KCND3: variants seen among roughly 807,000 people sequenced by gnomAD.
The protein encoded by KCND3 is A-type voltage-gated potassium channel KCND3.
KCND3 carries 9 observed loss-of-function variants against 51.1 expected under a neutral mutation model. The observed-to-expected ratio is 0.18, with a 90% CI of 0.11 to 0.31. The LOEUF (loss-of-function observed/expected upper bound fraction) is 0.31, where lower values mean the gene tolerates loss of function less well. Among genes scored for constraint, KCND3 ranks in the 10% least tolerant of loss-of-function variants. The probability of loss-of-function intolerance (pLI) is 1.00; values close to 1 mark genes in which losing one functional copy is unlikely to be tolerated. For synonymous variants in KCND3, 349 were observed against 368.0 expected (o/e 0.95, Z 0.59); for missense variants, 526 against 903.8 (o/e 0.58, Z 5.36).
At chr1:111,930,074 C>T (rs774511624) in intron 2 of KCND3, among the ~76,000 whole-genome samples, 17 of 152,036 alleles carry the variant, frequency 1.1e-4, no homozygotes, top group Non-Finnish European at 1.2e-4. Flanking sequence ...GGAGAAGAAG[C>T]TAATTAGGTA....
At chr1:111,839,697 T>A (rs2101638025) in intron 2 of KCND3, among the ~76,000 whole-genome samples, 1 of 152,364 alleles carries the variant, frequency 6.6e-6, no homozygotes, top group Non-Finnish European at 1.5e-5. Context: ...ATCTCATTTA[T>A]TTTTTACAAT....
intron 2 of KCND3, among the ~76,000 whole-genome samples, chr1:111,876,080 T>C (rs1483573031): frequency 6.6e-6 from 1 of 152,178 alleles, no homozygotes; most frequent in African/African-American, 2.4e-5. Context: ...GCAGGGAAAC[T>C]AGCCCCCAAA....
intron 2 of KCND3, among the ~76,000 whole-genome samples, chr1:111,823,106 T>C (rs1470052929): frequency 2.6e-5 from 4 of 152,152 alleles, no homozygotes; most frequent in African/African-American, 9.7e-5. Context: ...CTTGGCTGTC[T>C]ACTTCTTCCC....
intron 2 of KCND3, among the ~76,000 whole-genome samples, chr1:111,940,326 C>G (rs750161447): frequency 1.3e-5 from 2 of 151,694 alleles, no homozygotes; most frequent in African/African-American, 4.8e-5. Context: ...AATGGTATTG[C>G]CTAGGTTTTC....
At chr1:111,824,128 A>G (rs1303459306) in intron 2 of KCND3, among the ~76,000 whole-genome samples, 1 of 152,094 alleles carries the variant, frequency 6.6e-6, no homozygotes, top group Non-Finnish European at 1.5e-5. Context: ...CCAAAAAAAA[A>G]AAAAAAAAGC....
chr1:111,937,956 C>T (rs1672302652), intron 2 of KCND3, among the ~76,000 whole-genome samples: 1 of 152,188 alleles, frequency 6.6e-6, no homozygotes, highest in African/African-American at 2.4e-5. Context: ...CTTCAGTGAC[C>T]CCTTGTTGCC....
intron 2 of KCND3, among the ~76,000 whole-genome samples, chr1:111,874,335 A>T (rs1259199946): frequency 1.3e-5 from 2 of 152,152 alleles, no homozygotes; most frequent in East Asian, 1.9e-4. Flanking sequence ...GAGAACATAC[A>T]CATTCAAATA....
intron 2 of KCND3, among the ~76,000 whole-genome samples, chr1:111,972,111 C>A (rs1394424933): frequency 1.3e-5 from 2 of 151,888 alleles, no homozygotes; most frequent in Admixed American, 1.3e-4. Flanking sequence ...AGGCTCTCTG[C>A]ATCTCTGTCA....
chr1:111,976,569 T>A (rs970140786), intron 2 of KCND3, among the ~76,000 whole-genome samples: 2 of 152,254 alleles, frequency 1.3e-5, no homozygotes, highest in African/African-American at 4.8e-5. Context: ...GCATGAATCA[T>A]GCATGATCTC....
At chr1:111,834,366 C>G (rs949552034) in intron 2 of KCND3, among the ~76,000 whole-genome samples, 4 of 152,148 alleles carry the variant, frequency 2.6e-5, no homozygotes, top group African/African-American at 9.7e-5. Context: ...AAACAAAACA[C>G]AAGAGCTTGA....
chr1:111,845,998 A>G (rs2101652099), intron 2 of KCND3, among the ~76,000 whole-genome samples: 1 of 152,318 alleles, frequency 6.6e-6, no homozygotes, highest in East Asian at 1.9e-4. Flanking sequence ...ATATCCTTCC[A>G]GATACAATCA....
At position 111,981,365 on chromosome 1, in the gene KCND3, T is replaced by C. The variant is rs1020660568; in HGVS notation, c.1106+256A>G. On this transcript the variant is annotated intron_variant, in intron 2 of 7. Coordinates refer to ENST00000302127, the MANE Select transcript of KCND3 (RefSeq NM_001378969.1). The surrounding 1 kb of genome is among the most constrained non-coding windows in gnomAD (Gnocchi z 6.2). The stretch of plus-strand genomic sequence containing the variant: ...ACACAAGGCATGGCTGAAAAAAGAA[T>C]TGGTGACTTAATTTTCTTAGCTCTA... Among the ~76,000 whole-genome samples, 5 of 151,854 alleles carry C rather than the reference T, an allele frequency of 3.3e-5. No individual in the cohort carries two copies. The highest frequency in any genetic ancestry group is 7.3e-5 in the African/African-American group (3 of 41,334).
chr1:111,858,355 T>A (rs1050374492), intron 2 of KCND3, among the ~76,000 whole-genome samples: 1 of 152,178 alleles, frequency 6.6e-6, no homozygotes, highest in Non-Finnish European at 1.5e-5. Flanking sequence ...GTTCAACCTA[T>A]CCTGAGCCAA....
chr1:111,870,399 G>A (rs936287852), intron 2 of KCND3, among the ~76,000 whole-genome samples: 4 of 152,348 alleles, frequency 2.6e-5, no homozygotes, highest in African/African-American at 7.2e-5. Flanking sequence ...CAGAGTCACT[G>A]TGTCACAGAC....
At chr1:111,879,725 C>T (rs1669214751) in intron 2 of KCND3, among the ~76,000 whole-genome samples, 2 of 152,218 alleles carry the variant, frequency 1.3e-5, no homozygotes, top group Admixed American at 1.3e-4. Context: ...GAGGGTACCA[C>T]TATGAGTGTC....
At chr1:111,947,912 T>C (rs1672860605) in intron 2 of KCND3, among the ~76,000 whole-genome samples, 1 of 152,214 alleles carries the variant, frequency 6.6e-6, no homozygotes, top group Non-Finnish European at 1.5e-5. Flanking sequence ...TTGGGTACGA[T>C]GACACTTCTC....
rs1443284548 is a variant in KCND3, at chr1:111,775,309, G to A, written c.*768C>T. On this transcript the variant is annotated 3_prime_UTR_variant, in exon 8 of 8. Coordinates refer to ENST00000302127, the MANE Select transcript of KCND3 (RefSeq NM_001378969.1). ...CTAGGGGTAAGCAGAGAGGTACAGA[G>A]ACAAGGGAGACAGGGACAGACAAAG... 2.0e-5 allele frequency: 3 copies of A among 153,560 alleles called. No homozygotes were observed. Among genetic ancestry groups the A allele is most frequent in the African/African-American group, 7.2e-5 (3 of 41,444 alleles). 9.5% of individuals were successfully genotyped at this position (153,560 alleles called of 1,614,324 possible).
intron 2 of KCND3, among the ~76,000 whole-genome samples, chr1:111,893,186 A>T (rs1669929665): frequency 6.6e-6 from 1 of 152,212 alleles, no homozygotes; most frequent in Non-Finnish European, 1.5e-5. Context: ...ATAAACAGTG[A>T]TGTAGCTGAT....
intron 2 of KCND3, among the ~76,000 whole-genome samples, chr1:111,907,016 A>G (rs1167257512): frequency 6.6e-6 from 1 of 152,202 alleles, no homozygotes; most frequent in African/African-American, 2.4e-5. Context: ...GGATTGGTCC[A>G]GAATTTGCTC....
Sources: gnomAD v4.1 joint callset for allele counts (sites outside exome capture counted in the v4.1 genomes callset) on GRCh38, gnomAD v4.1.1 for gene constraint, Gnocchi (gnomAD v3.1) non-coding constraint, MANE v1.5 for transcripts, NCBI Gene and HGNC (gene_info 2026-07-23, HGNC 2026-07-21) for gene names.